Variants in PPM1E observed in about 807,000 individuals in gnomAD.
The protein encoded by PPM1E is protein phosphatase 1E.
Under a neutral mutation model 65.9 loss-of-function variants are expected in PPM1E, and 20 were observed. The observed-to-expected ratio is 0.30, with a 90% CI of 0.21 to 0.44. The LOEUF is 0.44. Ranked by LOEUF, PPM1E falls within the 20% of genes least tolerant of loss-of-function variation. The probability of loss-of-function intolerance (pLI) is 1.00; values close to 1 mark genes in which losing one functional copy is unlikely to be tolerated. For synonymous variants in PPM1E, 352 were observed against 374.9 expected (o/e 0.94, Z 0.70); for missense variants, 713 against 953.1 (o/e 0.75, Z 3.32).
chr17:58,970,368 C>T (rs916361278), intron 4 of PPM1E, among the ~76,000 whole-genome samples: 1 of 152,100 alleles, frequency 6.6e-6, no homozygotes, highest in Non-Finnish European at 1.5e-5. Flanking sequence ...ATCTAATTAT[C>T]GTTCTGGGTA....
intron 1 of PPM1E, among the ~76,000 whole-genome samples, chr17:58,877,833 G>C (rs1245343483): frequency 1.3e-5 from 2 of 151,938 alleles, no homozygotes; most frequent in Non-Finnish European, 2.9e-5. Context: ...ACTATTCTTG[G>C]GATTAATAGC....
chr17:58,779,891 T>C (rs1305742295), intron 1 of PPM1E, among the ~76,000 whole-genome samples: 1 of 152,216 alleles, frequency 6.6e-6, no homozygotes, highest in Non-Finnish European at 1.5e-5. Context: ...AAGTGTATCA[T>C]GGCTGTCTTT....
chr17:58,810,321 C>T (rs2050354229), intron 1 of PPM1E, among the ~76,000 whole-genome samples: 1 of 152,218 alleles, frequency 6.6e-6, no homozygotes, highest in African/African-American at 2.4e-5. Context: ...ATTCTCCTGC[C>T]TCAGCCTCCC....
At chr17:58,834,034 T>G (rs1442486962) in intron 1 of PPM1E, among the ~76,000 whole-genome samples, 1 of 152,244 alleles carries the variant, frequency 6.6e-6, no homozygotes, top group East Asian at 1.9e-4. Context: ...GCCAGATGTA[T>G]GTCTTCTTTT....
chr17:58,899,194 A>T (rs2051464780), intron 1 of PPM1E, among the ~76,000 whole-genome samples: 1 of 152,008 alleles, frequency 6.6e-6, no homozygotes, highest in South Asian at 2.1e-4. Context: ...AATGAAAAAA[A>T]AATTAGCGAG....
At chr17:58,759,436 C>T (rs750280175) in intron 1 of PPM1E, among the ~76,000 whole-genome samples, 6 of 152,138 alleles carry the variant, frequency 3.9e-5, no homozygotes, top group Non-Finnish European at 8.8e-5. Context: ...ACTGATCTTA[C>T]AGGAGATGTG....
chr17:58,960,634 A>G (rs768273828), intron 2 of PPM1E, among the ~76,000 whole-genome samples: 6 of 151,552 alleles, frequency 4.0e-5, no homozygotes, highest in Non-Finnish European at 7.4e-5. Flanking sequence ...AATTAGCTTG[A>G]TGTGGTGGTG....
intron 1 of PPM1E, among the ~76,000 whole-genome samples, chr17:58,949,842 T>G (rs1036771377): frequency 2.0e-5 from 3 of 152,198 alleles, no homozygotes; most frequent in Non-Finnish European, 4.4e-5. Flanking sequence ...AAAGATTTTA[T>G]TTCTCCTTCA....
chr17:58,796,704 A>G (rs1281827590), intron 1 of PPM1E, among the ~76,000 whole-genome samples: 1 of 152,238 alleles, frequency 6.6e-6, no homozygotes, highest in Non-Finnish European at 1.5e-5. Flanking sequence ...GTGAACACCC[A>G]TATACCCACA....
In PPM1E at chr17:58,982,407, A is replaced by C. The variant is rs376103107; in HGVS notation, c.*1376A>C. 6.5e-6 allele frequency: 1 copy of C among 152,896 alleles called. No homozygotes were observed. Among genetic ancestry groups the C allele is most frequent in the African/African-American group, 2.4e-5 (1 of 41,556 alleles). The allele number at this position is 152,896 out of a possible 1,614,324, so 9.5% of individuals were successfully genotyped here. A position where few individuals can be genotyped will look rare whatever the true frequency, so the allele number is the denominator to read the frequency against. ...GTCTTAGTGTTACCCTCCCCTAGTC[A>C]ACAGCAGACCAGCCTGGCCAATGCC... On this transcript the variant is annotated 3_prime_UTR_variant, in exon 7 of 7. Coordinates refer to ENST00000308249, the MANE Select transcript of PPM1E (RefSeq NM_014906.5).
intron 1 of PPM1E, among the ~76,000 whole-genome samples, chr17:58,920,692 T>A (rs539936223): frequency 1.3e-5 from 2 of 152,200 alleles, no homozygotes; most frequent in Non-Finnish European, 2.9e-5. Flanking sequence ...TTAATAAGTT[T>A]GAAATGAGCA....
chr17:58,843,809 C>T (rs960537837), intron 1 of PPM1E, among the ~76,000 whole-genome samples: 1 of 152,032 alleles, frequency 6.6e-6, no homozygotes, highest in African/African-American at 2.4e-5. Context: ...CCAGCCTGGG[C>T]ACAGAGCTAG....
At chr17:58,975,865 G>A (rs1231732925) in intron 6 of PPM1E, among the ~76,000 whole-genome samples, 1 of 152,180 alleles carries the variant, frequency 6.6e-6, no homozygotes, top group East Asian at 1.9e-4. Flanking sequence ...GTTTGTTACA[G>A]AGATGAGGAG....
chr17:58,854,386 T>C (rs952470354), intron 1 of PPM1E, among the ~76,000 whole-genome samples: 1 of 152,176 alleles, frequency 6.6e-6, no homozygotes, highest in Non-Finnish European at 1.5e-5. Context: ...CCTTGCCAAT[T>C]TGGATGGCTT....
chr17:58,776,874 G>A (rs114459023), intron 1 of PPM1E, among the ~76,000 whole-genome samples: 1,708 of 152,254 alleles, frequency 0.011, 36 homozygotes, highest in African/African-American at 0.039. Context: ...TGGAAAATAA[G>A]GGAGAGTTTA....
intron 1 of PPM1E, among the ~76,000 whole-genome samples, chr17:58,888,291 C>T (rs1387070240): frequency 1.0e-5 from 1 of 99,230 alleles, no homozygotes; most frequent in Non-Finnish European, 2.1e-5. Context: ...ATGAAAACTT[C>T]GTCTGTTTTT....
chr17:58,755,875 G>C lies in PPM1E; in HGVS notation c.-123G>C. 1 of 1,501,010 alleles carries C rather than the reference G, an allele frequency of 6.7e-7. No homozygotes were observed. The highest frequency in any genetic ancestry group is 1.4e-5 in the South Asian group (1 of 73,636). 93.0% of individuals were successfully genotyped at this position (1,501,010 alleles called of 1,614,324 possible). On this transcript the variant is annotated 5_prime_UTR_variant, in exon 1 of 7. Transcript: ENST00000308249. The stretch of plus-strand genomic sequence containing the variant: ...AGCCCTCTCCAGGCAACCTAGTGCT[G>C]ATCGCTCGTGCCGGTGCGGCCGTTA...
intron 1 of PPM1E, among the ~76,000 whole-genome samples, chr17:58,791,423 G>GC (rs998007155): frequency 2.0e-5 from 3 of 152,178 alleles, no homozygotes; most frequent in African/African-American, 7.2e-5. Context: ...TTTGGTGAGA[G>GC]CAGATACTGT....
intron 1 of PPM1E, among the ~76,000 whole-genome samples, chr17:58,901,804 G>A (rs1025158831): frequency 2.6e-5 from 4 of 151,800 alleles, no homozygotes; most frequent in Non-Finnish European, 4.4e-5. Flanking sequence ...TAGAGATACC[G>A]TGTCTCTACT....
Sources: allele counts gnomAD v4.1 joint callset (sites outside exome capture counted in the v4.1 genomes callset), GRCh38; gene constraint gnomAD v4.1.1; transcripts MANE v1.5; gene names NCBI Gene and HGNC (gene_info 2026-07-23, HGNC 2026-07-21).